The following CCDC33 variants were observed in gnomAD, a reference collection of about 807,000 sequenced individuals.
CCDC33 encodes the protein coiled-coil domain-containing protein 33.
In CCDC33, 94 loss-of-function variants were observed where a neutral mutation model predicts 91.9. That is an observed-to-expected ratio of 1.02 (90% CI 0.87 to 1.21). CCDC33 has a LOEUF of 1.21. Among genes scored for constraint, CCDC33 ranks in the 50% most tolerant of loss-of-function variants. CCDC33 has a pLI of 0.00. For missense variants in CCDC33, 940 were observed against 935.5 expected, an observed-to-expected ratio of 1.00 and a Z score of -0.06; for synonymous variants, 396 against 374.5, an observed-to-expected ratio of 1.06 and a Z score of -0.66.
intron 7 of CCDC33, among the ~76,000 whole-genome samples, chr15:74,279,341 T>A (rs1464304836): frequency 6.6e-6 from 1 of 152,036 alleles, no homozygotes; most frequent in Non-Finnish European, 1.5e-5. Context: ...TACTGGCAAA[T>A]GAAAAATGCA....
At chr15:74,332,648 A>T (rs1567043444) in intron 15 of CCDC33, 31 bp from the exon 16 acceptor site, 1 of 1,608,726 alleles carries the variant, frequency 6.2e-7, no homozygotes, top group Non-Finnish European at 8.5e-7. Flanking sequence ...AGGAGAGCCC[A>T]TCTCACCAAC....
chr15:74,279,300 G>A (rs1167613275), intron 7 of CCDC33, among the ~76,000 whole-genome samples: 1 of 152,176 alleles, frequency 6.6e-6, no homozygotes, highest in Non-Finnish European at 1.5e-5. Flanking sequence ...TGGGTAATGA[G>A]CTTTCTGTGA....
Position 74,321,249 on chromosome 15 carries a change from T to C in CCDC33, c.1291-8940T>C, listed in dbSNP as rs564268791. On this transcript the variant is annotated intron_variant, in intron 11 of 18. Transcript: ENST00000398814. ...TCGCTTTATTTTATTTTATCTTATT[T>C]TATTTATTTATTTATTTTTGAGATG... is the stretch of plus-strand genomic sequence containing the variant. Among the ~76,000 whole-genome samples the C allele has an allele frequency of 9.6e-4, 146 of 152,064 alleles. 1 individual carries two copies. Among genetic ancestry groups the C allele is most frequent in the African/African-American group, 3.3e-3 (138 of 41,486 alleles).
At chr15:74,209,132 C>T in intron 1 of CCDC33, 1 of 1,314,942 alleles carries the variant, frequency 7.6e-7, no homozygotes, top group Non-Finnish European at 9.8e-7. Flanking sequence ...GAGGAACCCA[C>T]CCCACCCCCA....
chr15:74,212,326 A>C (rs559318484), upstream of CCDC33: 4 of 152,414 alleles, frequency 2.6e-5, no homozygotes, highest in East Asian at 7.7e-4. Context: ...CGCCAGACCA[A>C]GAACTTTAGC....
At chr15:74,335,416 G>A (rs2060545278) in intron 18 of CCDC33, 5 of 563,606 alleles carry the variant, frequency 8.9e-6, no homozygotes, top group South Asian at 4.4e-5. Context: ...GACTGGCTGC[G>A]CTCATGGGCA....
chr15:74,221,193 A>T (rs555617276), intron 2 of CCDC33: 65 of 951,010 alleles, frequency 6.8e-5, no homozygotes, highest in Non-Finnish European at 7.8e-5. Context: ...GTTGTTCTCC[A>T]GTTTGTGTAG....
chr15:74,231,687 G>A (rs139669785), upstream of CCDC33, among the ~76,000 whole-genome samples: 1,935 of 152,322 alleles, frequency 0.013, 42 homozygotes, highest in African/African-American at 0.045. Flanking sequence ...CCTTGGGCAA[G>A]TCCATTCCCT....
intron 2 of CCDC33, among the ~76,000 whole-genome samples, chr15:74,246,603 C>G (rs2075536910): frequency 6.6e-6 from 1 of 152,194 alleles, no homozygotes; most frequent in African/African-American, 2.4e-5. Context: ...AAGTGCAAAT[C>G]AAAGCCACAA....
chr15:74,251,987 A>C (rs1466420016), intron 2 of CCDC33, among the ~76,000 whole-genome samples: 3 of 152,096 alleles, frequency 2.0e-5, no homozygotes, highest in African/African-American at 4.8e-5. Context: ...ATTGAGGTAT[A>C]ATATTATCAT....
rs542321103 is a variant in CCDC33, at chr15:74,281,005, C to T, written c.1023+204C>T. ...GCCAGTCTTGCCTCTGGGACTATGA[C>T]GAACCAAGCCAGAGAAATTGCCCCT... On this transcript the variant is annotated intron_variant, in intron 9 of 18. Coordinates refer to ENST00000398814, the MANE Select transcript of CCDC33 (RefSeq NM_025055.5). 1.1e-4 allele frequency among the ~76,000 whole-genome samples: 17 copies of T among 152,330 alleles called. No homozygotes were observed. In the South Asian group the frequency reaches 2.3e-3, roughly 20 times the overall value.
intron 1 of CCDC33, among the ~76,000 whole-genome samples, chr15:74,243,497 G>A (rs1003364380): frequency 5.3e-5 from 8 of 152,226 alleles, no homozygotes; most frequent in Non-Finnish European, 7.3e-5. Context: ...CTAGAGGAGA[G>A]GCACTGAGAG....
In CCDC33 at chr15:74,330,674, C is replaced by T; in HGVS notation, c.1468C>T (p.Gln490Ter). Residue 490 changes from glutamine (Q) to a stop codon, truncating the protein, a stop_gained, in exon 13 of 19, where the codon CAG (glutamine) becomes TAG (stop). Transcript: ENST00000398814. LOFTEE classifies it high-confidence loss of function. ...AACCCACCTAACAGTGTCCATGAAG[C>T]AGAAACTGCTGCTGAGTGAGCTGGA... Reference protein sequence around the residue: ...SEAQNTVSMKQKLLLSELDMK... With the variant: ...SEAQNTVSMK The T allele has an allele frequency of 6.2e-7, 1 of 1,613,362 alleles. No homozygotes were observed. The highest frequency in any genetic ancestry group is 8.5e-7 in the Non-Finnish European group (1 of 1,179,856).
intron 11 of CCDC33, among the ~76,000 whole-genome samples, chr15:74,298,913 A>G (rs12101646): frequency 2.0e-5 from 3 of 151,956 alleles, no homozygotes; most frequent in African/African-American, 7.2e-5. Flanking sequence ...GGCTTTCACT[A>G]TGTTGGCCAG....
At chr15:74,223,375 T>C (rs893271290) in intron 2 of CCDC33, among the ~76,000 whole-genome samples, 7 of 152,128 alleles carry the variant, frequency 4.6e-5, no homozygotes, top group Admixed American at 6.5e-5. Context: ...CAGGCTGATG[T>C]CCCAGCCCTT....
chr15:74,335,541 A>G (rs1270118376), intron 18 of CCDC33: 1 of 355,636 alleles, frequency 2.8e-6, no homozygotes, highest in East Asian at 5.4e-5. Context: ...CCGAGAACAA[A>G]CAGGCCTGCT....
intron 11 of CCDC33, 93 bp from the exon 12 acceptor site, chr15:74,330,096 T>C: frequency 7.0e-7 from 1 of 1,432,278 alleles, no homozygotes; most frequent in Non-Finnish European, 9.4e-7. Flanking sequence ...ACTGGCCTTG[T>C]GGGGGACCCA....
At chr15:74,282,160 T>A (rs60030528) in intron 10 of CCDC33, among the ~76,000 whole-genome samples, 8,930 of 152,280 alleles carry the variant, frequency 0.059, 792 homozygotes, top group African/African-American at 0.19. Flanking sequence ...TATTGCTTTA[T>A]AACCAAATTA....
At chr15:74,335,203 T>C (rs1432559169) in intron 18 of CCDC33, 115 bp downstream of exon 18, 2 of 854,666 alleles carry the variant, frequency 2.3e-6, no homozygotes, top group Admixed American at 3.4e-5. Flanking sequence ...ACTCCAGGGC[T>C]GGGGGTCAGG....
Sources: allele counts gnomAD v4.1 joint callset (sites outside exome capture counted in the v4.1 genomes callset), GRCh38; gene constraint gnomAD v4.1.1; transcripts MANE v1.5; gene names NCBI Gene and HGNC (gene_info 2026-07-23, HGNC 2026-07-21).